Variants in REG1A observed in about 807,000 individuals in gnomAD.
The protein encoded by REG1A is regenerating family member 1 alpha, also known as lithostathine-1-alpha.
Under a neutral mutation model 20.7 loss-of-function variants are expected in REG1A, and 20 were observed. That is an observed-to-expected ratio of 0.97 (90% CI 0.68 to 1.41). The LOEUF is 1.41. Ranked by LOEUF, REG1A falls within the 40% of genes most tolerant of loss-of-function variation. REG1A has a pLI of 0.00. For synonymous variants in REG1A, 90 were observed against 71.6 expected (o/e 1.26, Z -1.30); for missense variants, 193 against 201.8 (o/e 0.96, Z 0.26).
chr2:79,122,431 C>T (rs942006173), intron 4 of REG1A, among the ~76,000 whole-genome samples: 1 of 152,046 alleles, frequency 6.6e-6, no homozygotes, highest in Non-Finnish European at 1.5e-5. Flanking sequence ...ACTAGATTGC[C>T]GACTATATAG....
At chr2:79,121,237 G>C (rs995818489) in intron 2 of REG1A, among the ~76,000 whole-genome samples, 2 of 152,186 alleles carry the variant, frequency 1.3e-5, no homozygotes, top group Non-Finnish European at 2.9e-5. Context: ...TAATGGGGTG[G>C]AGAACTGAAG....
At chr2:79,121,872 C>T in intron 3 of REG1A, 116 bp from the exon 4 acceptor site, 2 of 1,441,092 alleles carry the variant, frequency 1.4e-6, no homozygotes, top group South Asian at 1.2e-5. Context: ...TGGTCAGTGA[C>T]AGCATCATCA....
In REG1A at chr2:79,123,257, A is replaced by G; in HGVS notation, c.*42A>G. The G allele has an allele frequency of 7.6e-7, 1 of 1,314,692 alleles. No individual in the cohort carries two copies. Among genetic ancestry groups the G allele is most frequent in the Non-Finnish European group, 1.1e-6 (1 of 924,676 alleles). 81.4% of individuals were successfully genotyped at this position (1,314,692 alleles called of 1,614,324 possible). A position where few individuals can be genotyped will look rare whatever the true frequency, so the allele number is the denominator to read the frequency against. ...CATGTCTAGAACTGATCCAGCAATT[A>G]CAACGGAGTCAAAAATTAAACCGGA... On this transcript the variant is annotated 3_prime_UTR_variant, in exon 6 of 6. Coordinates refer to ENST00000233735, the MANE Select transcript of REG1A (RefSeq NM_002909.5).
chr2:79,122,041 C>G lies in REG1A; in HGVS notation c.237C>G (p.Ala79=). Residue 79 remains alanine (A), a synonymous_variant, in exon 4 of 6, where the codon GCC becomes GCG. Coordinates refer to ENST00000233735, the MANE Select transcript of REG1A (RefSeq NM_002909.5). ...ACCTGGTGTCTGTGCTCACCCAGGC[C>G]GAGGGTGCCTTTGTGGCCTCACTGA... is the stretch of plus-strand genomic sequence containing the variant. ...SGNLVSVLTQ[A]EGAFVASLIK... The G allele has an allele frequency of 6.2e-7, 1 of 1,614,058 alleles. No homozygotes were observed.
In REG1A at chr2:79,123,351, A is replaced by G; in HGVS notation, c.*136A>G. On this transcript the variant is annotated 3_prime_UTR_variant, in exon 6 of 6. Coordinates refer to ENST00000233735, the MANE Select transcript of REG1A (RefSeq NM_002909.5). ...TGAGTTTGCCTTGTTAATCTTCAAT[A>G]GTTTTACCTACCCCAGTCTTTGGAA... The G allele has an allele frequency of 1.7e-6, 1 of 574,022 alleles. No homozygotes were observed. The highest frequency in any genetic ancestry group is 3.1e-6 in the Non-Finnish European group (1 of 318,526). 35.6% of individuals were successfully genotyped at this position (574,022 alleles called of 1,614,324 possible).
At chr2:79,120,673 C>T in intron 1 of REG1A, 143 bp from the exon 2 acceptor site, 1 of 450,634 alleles carries the variant, frequency 2.2e-6, no homozygotes, top group South Asian at 5.7e-5. Context: ...TGTATAATCC[C>T]CACTCTCAAG....
At position 79,122,888 on chromosome 2, in the gene REG1A, C is replaced by T; in HGVS notation, c.369C>T (p.Ser123=). 1 of 1,613,978 alleles carries T rather than the reference C, an allele frequency of 6.2e-7. No individual in the cohort carries two copies. Among genetic ancestry groups the T allele is most frequent in the South Asian group, 1.1e-5 (1 of 91,072 alleles). The change falls in exon 5 of 6, where the codon TCC becomes TCT. Residue 123 remains serine, a synonymous_variant. Transcript: ENST00000233735. ...GTGGGTCCCTGGTCTCCTACAAGTC[C>T]TGGGGCATTGGAGCCCCAAGCAGTG... The part of the protein sequence containing the change: ...WSSGSLVSYK[S]WGIGAPSSVN...
At position 79,122,158 on chromosome 2, in the gene REG1A, C is replaced by A. The variant is rs200933385; in HGVS notation, c.321+33C>A. 2.9e-4 allele frequency: 469 copies of A among 1,610,364 alleles called. 1 individual carries two copies. In the African/African-American group the frequency reaches 5.9e-3, roughly 20 times the overall value. On this transcript the variant is annotated intron_variant, in intron 4 of 5. Transcript: ENST00000233735. Reference sequence around the variant, plus strand: ...GCAGCCTTCTTTATCTCCTAATGATCAGGTTTGAGAAGTAAGAAGGAGGTT... The same window carrying A: ...GCAGCCTTCTTTATCTCCTAATGATAAGGTTTGAGAAGTAAGAAGGAGGTT...
chr2:79,122,241 C>T, intron 4 of REG1A, 116 bp downstream of exon 4: 1 of 1,159,606 alleles, frequency 8.6e-7, no homozygotes, highest in Non-Finnish European at 1.2e-6. Context: ...AGGCTGTTTA[C>T]AGATCCTCTA....
At chr2:79,121,845 C>A (rs1433164770) in intron 3 of REG1A, 143 bp from the exon 4 acceptor site, 2 of 1,374,072 alleles carry the variant, frequency 1.5e-6, no homozygotes, top group Non-Finnish European at 2.1e-6. Flanking sequence ...AGCACATTCC[C>A]AGCACAAAGA....
At position 79,123,405 on chromosome 2, in the gene REG1A, C is replaced by G. The variant is rs1372680123; in HGVS notation, c.*190C>G. 2 of 521,456 alleles carry G rather than the reference C, an allele frequency of 3.8e-6. No individual in the cohort carries two copies. Among genetic ancestry groups the G allele is most frequent in the East Asian group, 6.0e-5 (2 of 33,182 alleles). The allele number at this position is 521,456 out of a possible 1,614,324, so 32.3% of individuals were successfully genotyped here. On this transcript the variant is annotated 3_prime_UTR_variant, in exon 6 of 6. Transcript: ENST00000233735. ...TAAATAATAAAAATAAACATGTTTC[C>G]ACTATTGTGCTGTCTTACTGTGTCT...
In REG1A at chr2:79,120,804, G is replaced by A; in HGVS notation, c.-46-12G>A. The A allele has an allele frequency of 2.2e-6, 3 of 1,373,338 alleles. No individual in the cohort carries two copies. The highest frequency in any genetic ancestry group is 3.0e-6 in the Non-Finnish European group (3 of 994,912). 85.1% of individuals were successfully genotyped at this position (1,373,338 alleles called of 1,614,324 possible). A position where few individuals can be genotyped will look rare whatever the true frequency, so the allele number is the denominator to read the frequency against. ...CATCTCTCAGAACCCCCTTCTCTGT[G>A]TTCTCCTATAGAGATTGTTGATTTG... is the stretch of plus-strand genomic sequence containing the variant. On this transcript the variant is annotated splice_polypyrimidine_tract_variant and intron_variant, in intron 1 of 5. Transcript: ENST00000233735.
chr2:79,123,042 C>T, intron 5 of REG1A, 90 bp downstream of exon 5: 1 of 1,436,388 alleles, frequency 7.0e-7, no homozygotes, highest in Non-Finnish European at 9.8e-7. Context: ...GAAAGGTGAA[C>T]TCCTCATTAA....
intron 4 of REG1A, among the ~76,000 whole-genome samples, chr2:79,122,503 T>A (rs1672902585): frequency 6.6e-6 from 1 of 152,118 alleles, no homozygotes; most frequent in Non-Finnish European, 1.5e-5. Context: ...CCTGGTAGTA[T>A]ACTAAATAAT....
chr2:79,120,973 C>A (rs1275557237), intron 2 of REG1A, 48 bp downstream of exon 2: 1 of 1,422,780 alleles, frequency 7.0e-7, no homozygotes, highest in Non-Finnish European at 9.8e-7. Flanking sequence ...CTGAAGACTT[C>A]ACTCTATCCC....
chr2:79,121,030 G>C, intron 2 of REG1A, 105 bp downstream of exon 2: 1 of 865,352 alleles, frequency 1.2e-6, no homozygotes, highest in Non-Finnish European at 1.8e-6. Context: ...CAGAGTCACT[G>C]TTAAGGGTTG....
rs763112401 is a variant in REG1A, at chr2:79,122,124, A to G, written c.320A>G (p.Lys107Arg). Residue 107 changes from lysine to arginine, a missense_variant and splice_region_variant, in exon 4 of 6, where the codon AAG (lysine) becomes AGG (arginine). Coordinates refer to ENST00000233735, the MANE Select transcript of REG1A (RefSeq NM_002909.5). ...TGGATTGGCCTCCATGACCCCAAAA[A>G]GGTAGGCTGCAGCCTTCTTTATCTC... ...NVWIGLHDPKKNRRWHWSSGS... is the reference protein window; with the variant it reads ...NVWIGLHDPKRNRRWHWSSGS... 4 of 1,613,894 alleles carry G rather than the reference A, an allele frequency of 2.5e-6. No homozygotes were observed. Among genetic ancestry groups the G allele is most frequent in the Non-Finnish European group, 3.4e-6 (4 of 1,179,902 alleles).
chr2:79,122,834 C>T lies in REG1A; in HGVS notation c.322-7C>T. ...CACTGCCTCTGTTCTGGCCCTTCCC[C>T]ATCTAGAACCGCCGCTGGCACTGGA... On this transcript the variant is annotated splice_polypyrimidine_tract_variant and splice_region_variant and intron_variant, in intron 4 of 5. Transcript: ENST00000233735. 3 of 1,609,638 alleles carry T rather than the reference C, an allele frequency of 1.9e-6. No individual in the cohort carries two copies. The highest frequency in any genetic ancestry group is 1.1e-5 in the South Asian group (1 of 90,920).
Position 79,123,287 on chromosome 2 carries a change from C to T in REG1A, c.*72C>T. 1 of 950,934 alleles carries T rather than the reference C, an allele frequency of 1.1e-6. No homozygotes were observed. Among genetic ancestry groups the T allele is most frequent in the Non-Finnish European group, 1.6e-6 (1 of 611,616 alleles). 58.9% of individuals were successfully genotyped at this position (950,934 alleles called of 1,614,324 possible). A position where few individuals can be genotyped will look rare whatever the true frequency, so the allele number is the denominator to read the frequency against. On this transcript the variant is annotated 3_prime_UTR_variant, in exon 6 of 6. Transcript: ENST00000233735. ...GGAGTCAAAAATTAAACCGGACCAT[C>T]TCTCCAACTCAACTCAACCTGGACA...
Sources: allele counts gnomAD v4.1 joint callset (sites outside exome capture counted in the v4.1 genomes callset), GRCh38; gene constraint gnomAD v4.1.1; transcripts MANE v1.5; gene names NCBI Gene and HGNC (gene_info 2026-07-23, HGNC 2026-07-21).